KCNMA1: variants seen among roughly 807,000 people sequenced by gnomAD.
The protein encoded by KCNMA1 is potassium calcium-activated channel subfamily M alpha 1.
In KCNMA1, 29 loss-of-function variants were observed where a neutral mutation model predicts 140.0. The observed-to-expected ratio is 0.21, with a 90% CI of 0.15 to 0.28. The LOEUF is 0.28. Among genes scored for constraint, KCNMA1 ranks in the 10% least tolerant of loss-of-function variants. The probability of loss-of-function intolerance (pLI) is 1.00; values close to 1 mark genes in which losing one functional copy is unlikely to be tolerated. For missense variants in KCNMA1, 880 were observed against 1,602.2 expected, an observed-to-expected ratio of 0.55 and a Z score of 7.70; for synonymous variants, 612 against 611.9, an observed-to-expected ratio of 1.00 and a Z score of 0.00.
chr10:76,886,189 C>G lies in KCNMA1; in HGVS notation c.*1077G>C. 1 of 985,392 alleles carries G rather than the reference C, an allele frequency of 1.0e-6. No homozygotes were observed. The highest frequency in any genetic ancestry group is 1.2e-6 in the Non-Finnish European group (1 of 829,934). 61.0% of individuals were successfully genotyped at this position (985,392 alleles called of 1,614,324 possible). A position where few individuals can be genotyped will look rare whatever the true frequency, so the allele number is the denominator to read the frequency against. On this transcript the variant is annotated 3_prime_UTR_variant, in exon 28 of 28. Transcript: ENST00000286628. ...CTGGGTTTGTCTTCCTCTCACTCTA[C>G]CATTGCCCCAGCCCTTCCTCCTACC...
At chr10:77,442,254 G>A (rs1275051871) in intron 1 of KCNMA1, among the ~76,000 whole-genome samples, 1 of 152,106 alleles carries the variant, frequency 6.6e-6, no homozygotes, top group Non-Finnish European at 1.5e-5. Flanking sequence ...CTGGAGGAAT[G>A]GACTCCTCTG....
intron 1 of KCNMA1, among the ~76,000 whole-genome samples, chr10:77,438,380 T>C (rs2097307576): frequency 6.6e-6 from 1 of 150,766 alleles, no homozygotes; most frequent in African/African-American, 2.4e-5. Context: ...CAGCCTCAAT[T>C]AGGAGAAACC....
At chr10:77,614,167 C>T (rs1054370304) in intron 1 of KCNMA1, among the ~76,000 whole-genome samples, 1 of 152,182 alleles carries the variant, frequency 6.6e-6, no homozygotes, top group African/African-American at 2.4e-5. Flanking sequence ...AGCCAGAAAA[C>T]AAAGAGATTC....
chr10:77,596,038 C>T (rs1351099157), intron 1 of KCNMA1, among the ~76,000 whole-genome samples: 1 of 152,098 alleles, frequency 6.6e-6, no homozygotes, highest in Non-Finnish European at 1.5e-5. Context: ...TAATAAGCCA[C>T]TAGAAAAAAA....
Position 76,885,238 on chromosome 10 carries a change from G to T in KCNMA1, c.*2028C>A. 2.2e-6 allele frequency: 1 copy of T among 447,228 alleles called. No individual in the cohort carries two copies. The highest frequency in any genetic ancestry group is 2.9e-6 in the Non-Finnish European group (1 of 339,188). The allele number at this position is 447,228 out of a possible 1,614,324, so 27.7% of individuals were successfully genotyped here. On this transcript the variant is annotated 3_prime_UTR_variant, in exon 28 of 28. Coordinates refer to ENST00000286628, the MANE Select transcript of KCNMA1 (RefSeq NM_001161352.2). ...ATAGTTATATATATATAATTATATA[G>T]TTATATATATATAATTATATATAGT... is the stretch of plus-strand genomic sequence containing the variant.
At chr10:77,234,785 A>G (rs2054819447) in intron 3 of KCNMA1, among the ~76,000 whole-genome samples, 1 of 152,218 alleles carries the variant, frequency 6.6e-6, no homozygotes, top group African/African-American at 2.4e-5. Context: ...ACTCAAGTTC[A>G]CATAGCTAAC....
At chr10:76,892,693 G>C (rs1427519138) in intron 25 of KCNMA1, among the ~76,000 whole-genome samples, 1 of 152,104 alleles carries the variant, frequency 6.6e-6, no homozygotes, top group Non-Finnish European at 1.5e-5. Context: ...AACAAACCAA[G>C]TAAGGGTGAG....
chr10:77,427,818 C>T (rs191980094), intron 1 of KCNMA1, among the ~76,000 whole-genome samples: 2 of 151,872 alleles, frequency 1.3e-5, no homozygotes, highest in Admixed American at 1.3e-4. Flanking sequence ...GGCATGATCT[C>T]GGCTCACTGC....
intron 1 of KCNMA1, among the ~76,000 whole-genome samples, chr10:77,610,402 A>G (rs2086396386): frequency 6.6e-6 from 1 of 151,628 alleles, no homozygotes. Context: ...CTCACTGTGC[A>G]TATCCATAGC....
chr10:77,252,556 T>TGTGTGTGTGTGTGTGTGTGC (rs1341882275), intron 2 of KCNMA1, among the ~76,000 whole-genome samples: 22 of 149,316 alleles, frequency 1.5e-4, no homozygotes, highest in African/African-American at 5.4e-4. Flanking sequence ...TGTGTGTGTG[T>TGTGTGTGTGTGTGTGTGTGC]GCGGGCACGT....
intron 1 of KCNMA1, chr10:77,636,605 G>A: frequency 1.3e-6 from 2 of 1,536,150 alleles, no homozygotes; most frequent in Non-Finnish European, 1.7e-6. Flanking sequence ...TCAGATATGC[G>A]ACCTCGACAC....
At chr10:77,191,925 C>G (rs2098941682) in intron 3 of KCNMA1, among the ~76,000 whole-genome samples, 1 of 152,116 alleles carries the variant, frequency 6.6e-6, no homozygotes, top group Admixed American at 6.6e-5. Context: ...CTAATTATAG[C>G]TCTGCTCAGT....
intron 2 of KCNMA1, among the ~76,000 whole-genome samples, chr10:77,276,054 C>T (rs1328897070): frequency 6.6e-6 from 1 of 152,212 alleles, no homozygotes; most frequent in Non-Finnish European, 1.5e-5. Context: ...ATTCACAGGG[C>T]ATCTTAATTC....
chr10:77,576,893 G>T (rs2074307555), intron 1 of KCNMA1, among the ~76,000 whole-genome samples: 1 of 152,172 alleles, frequency 6.6e-6, no homozygotes, highest in Non-Finnish European at 1.5e-5. Flanking sequence ...TGTTTCCCAT[G>T]CACCATGTGT....
chr10:77,600,296 A>G (rs760635260), intron 1 of KCNMA1, among the ~76,000 whole-genome samples: 9 of 152,240 alleles, frequency 5.9e-5, no homozygotes, highest in Non-Finnish European at 1.2e-4. Flanking sequence ...GAAGGTAATC[A>G]GACCTATCAA....
At chr10:77,054,522 C>A (rs536399163) in intron 14 of KCNMA1, among the ~76,000 whole-genome samples, 79 of 152,182 alleles carry the variant, frequency 5.2e-4, no homozygotes, top group African/African-American at 1.8e-3. Flanking sequence ...ACCCTATCTA[C>A]TTACAGGGTA....
At chr10:77,556,316 C>T (rs2064361191) in intron 1 of KCNMA1, among the ~76,000 whole-genome samples, 1 of 151,832 alleles carries the variant, frequency 6.6e-6, no homozygotes, top group Non-Finnish European at 1.5e-5. Context: ...ACCAGCCTGG[C>T]CAACATGGTG....
chr10:77,000,860 ATATATATATATAT>A (rs771897392), intron 19 of KCNMA1, among the ~76,000 whole-genome samples: 1,520 of 74,312 alleles, frequency 0.02, 177 homozygotes, highest in East Asian at 0.14. Context: ...AAAAGAAAAT[ATATATATATATAT>A]ATATATATAT....
At chr10:76,961,767 A>C (rs767667012) in intron 20 of KCNMA1, among the ~76,000 whole-genome samples, 3 of 152,220 alleles carry the variant, frequency 2.0e-5, no homozygotes, top group Non-Finnish European at 4.4e-5. Flanking sequence ...AAACTCACTG[A>C]TGACTCAGAT....
Sources: allele counts gnomAD v4.1 joint callset (sites outside exome capture counted in the v4.1 genomes callset), GRCh38; gene constraint gnomAD v4.1.1; transcripts MANE v1.5; gene names NCBI Gene and HGNC (gene_info 2026-07-23, HGNC 2026-07-21).